Variants in DZIP3 observed in about 807,000 individuals in gnomAD.
DZIP3 encodes the protein DAZ interacting zinc finger protein 3.
A neutral mutation model predicts 162.0 loss-of-function variants in DZIP3; 118 were observed. The ratio of observed to expected loss-of-function variants is 0.73; its 90% CI spans 0.63 to 0.85. DZIP3 has a LOEUF of 0.85. Among genes scored for constraint, DZIP3 ranks in the 40% least tolerant of loss-of-function variants. The probability of loss-of-function intolerance (pLI) is 0.00; values close to 1 mark genes in which losing one functional copy is unlikely to be tolerated. For synonymous variants in DZIP3, 438 were observed against 458.6 expected (o/e 0.96, Z 0.57); for missense variants, 1,331 against 1,407.0 (o/e 0.95, Z 0.86).
chr3:108,665,075 A>C (rs943844306), intron 21 of DZIP3, among the ~76,000 whole-genome samples: 1 of 152,216 alleles, frequency 6.6e-6, no homozygotes. Context: ...TCTAGGCTAC[A>C]TTAGAAAACA....
In DZIP3 at chr3:108,655,853, CA is replaced by C. The variant is rs1943090040; in HGVS notation, c.2199+1544del. ...AACGGCACACCAGGATATTATATCCCATGCCTGGCTTGGAGGGTCCCACGCC... is the reference window on the plus strand; with the variant it reads ...AACGGCACACCAGGATATTATATCCCTGCCTGGCTTGGAGGGTCCCACGCC... On this transcript the variant is annotated intron_variant, in intron 19 of 32. Transcript: ENST00000361582. Among the ~76,000 whole-genome samples the C allele has an allele frequency of 2.0e-5, 3 of 152,218 alleles. No homozygotes were observed. The South Asian group carries it at 6.2e-4, about 32-fold the overall frequency.
At chr3:108,627,859 T>C (rs1354863304) in intron 7 of DZIP3, among the ~76,000 whole-genome samples, 1 of 151,860 alleles carries the variant, frequency 6.6e-6, no homozygotes, top group East Asian at 1.9e-4. Context: ...TTAGATTTAT[T>C]GTCTGAAGGC....
intron 2 of DZIP3, 108 bp downstream of exon 2, chr3:108,605,546 C>T (rs907371863): frequency 3.0e-5 from 34 of 1,136,838 alleles, no homozygotes; most frequent in South Asian, 2.7e-5. Context: ...TGAAACTGTT[C>T]GACTTCAGAT....
At chr3:108,619,292 A>G (rs1300708295) in intron 5 of DZIP3, among the ~76,000 whole-genome samples, 2 of 142,654 alleles carry the variant, frequency 1.4e-5, no homozygotes, top group Non-Finnish European at 3.0e-5. Flanking sequence ...GTGTGTGGGT[A>G]TATGTGTGTA....
intron 7 of DZIP3, among the ~76,000 whole-genome samples, chr3:108,628,225 G>A (rs531098142): frequency 2.0e-4 from 30 of 152,150 alleles, no homozygotes; most frequent in South Asian, 4.1e-4. Flanking sequence ...TGAGACATGC[G>A]TCTCAGCTGA....
At chr3:108,663,601 A>G (rs1321519679) in intron 21 of DZIP3, among the ~76,000 whole-genome samples, 2 of 151,684 alleles carry the variant, frequency 1.3e-5, no homozygotes, top group African/African-American at 4.8e-5. Flanking sequence ...TCAAAACTTC[A>G]TCTTTTAGCC....
chr3:108,635,920 T>A (rs909779971), intron 10 of DZIP3, among the ~76,000 whole-genome samples: 2 of 151,690 alleles, frequency 1.3e-5, no homozygotes, highest in African/African-American at 4.8e-5. Context: ...AGATCTGGGT[T>A]CAAGTCCAGA....
chr3:108,656,871 A>G (rs1016172075), intron 19 of DZIP3, among the ~76,000 whole-genome samples: 4 of 152,214 alleles, frequency 2.6e-5, no homozygotes, highest in Admixed American at 2.0e-4. Flanking sequence ...GATTCACTCA[A>G]CTGGAAGAAA....
In DZIP3 at chr3:108,674,198, C is replaced by A; in HGVS notation, c.2693+17C>A. 6.3e-7 allele frequency: 1 copy of A among 1,595,384 alleles called. No homozygotes were observed. The highest frequency in any genetic ancestry group is 8.6e-7 in the Non-Finnish European group (1 of 1,164,080). ...GGCAGCAAGGTAACCTTTCCCTCTT[C>A]CTTAATGCATCTTAATTTTAGAGAT... is the stretch of plus-strand genomic sequence containing the variant. On this transcript the variant is annotated intron_variant, in intron 24 of 32. Coordinates refer to ENST00000361582, the MANE Select transcript of DZIP3 (RefSeq NM_014648.4).
chr3:108,631,055 A>ACACACACACACACACACAAACACTCT, intron 8 of DZIP3, among the ~76,000 whole-genome samples: 1 of 18,006 alleles, frequency 5.6e-5, no homozygotes, highest in Non-Finnish European at 9.0e-5. Flanking sequence ...ACACACACAC[A>ACACACACACACACACACAAACACTCT]CTCTCTCTCT....
At chr3:108,643,185 GACAA>G (rs1259071275) in intron 13 of DZIP3, among the ~76,000 whole-genome samples, 2 of 152,092 alleles carry the variant, frequency 1.3e-5, no homozygotes, top group Non-Finnish European at 2.9e-5. Context: ...TGCATTTTGT[GACAA>G]ACACATATTT....
intron 26 of DZIP3, among the ~76,000 whole-genome samples, chr3:108,680,372 A>G (rs1196669869): frequency 2.6e-5 from 4 of 152,106 alleles, no homozygotes; most frequent in African/African-American, 9.7e-5. Context: ...TTTGTAGACA[A>G]ATGATCTTAT....
intron 19 of DZIP3, 79 bp downstream of exon 19, chr3:108,654,389 C>G: frequency 6.8e-7 from 1 of 1,475,194 alleles, no homozygotes; most frequent in East Asian, 2.3e-5. Context: ...CAGCATCACC[C>G]TTTGAAAAGC....
At chr3:108,679,039 A>G (rs931092684) in intron 26 of DZIP3, among the ~76,000 whole-genome samples, 34 of 152,234 alleles carry the variant, frequency 2.2e-4, no homozygotes, top group Admixed American at 1.1e-3. Context: ...GGCTTGGATC[A>G]TCATCATACC....
chr3:108,629,145 C>T lies in DZIP3; in HGVS notation c.665C>T (p.Thr222Ile), dbSNP rs1252393447. 1 of 1,591,830 alleles carries T rather than the reference C, an allele frequency of 6.3e-7. No individual in the cohort carries two copies. Among genetic ancestry groups the T allele is most frequent in the African/African-American group, 1.4e-5 (1 of 73,568 alleles). The change falls in exon 8 of 33, where the codon ACA becomes ATA. Residue 222 changes from threonine (T) to isoleucine (I), a missense_variant. By Grantham distance (89) the Thr-to-Ile change is moderately conservative. Around this residue, in one of 2 missense-constraint regions of DZIP3, gnomAD observed 1,278 missense variants for 1,317.1 expected, o/e 0.97. Coordinates refer to ENST00000361582, the MANE Select transcript of DZIP3 (RefSeq NM_014648.4). ...KNDHWFDIDPTEDEDLPTTFK... is the reference protein window; with the variant it reads ...KNDHWFDIDPIEDEDLPTTFK... ...GACCATTGGTTTGACATAGATCCTA[C>T]AGAAGATGAAGATTTACCTACAACT...
At chr3:108,622,023 C>T (rs1941376782) in intron 5 of DZIP3, among the ~76,000 whole-genome samples, 1 of 151,098 alleles carries the variant, frequency 6.6e-6, no homozygotes, top group African/African-American at 2.4e-5. Flanking sequence ...TAGTGTGAGA[C>T]CCCATCTCTA....
intron 27 of DZIP3, among the ~76,000 whole-genome samples, chr3:108,684,571 A>G (rs973501156): frequency 3.3e-5 from 5 of 152,178 alleles, no homozygotes. Context: ...TTTTTATACT[A>G]GAGAATCCTT....
intron 24 of DZIP3, among the ~76,000 whole-genome samples, chr3:108,675,329 G>C (rs1018382127): frequency 1.3e-5 from 2 of 151,918 alleles, no homozygotes; most frequent in Non-Finnish European, 2.9e-5. Context: ...CCCAGAGACA[G>C]TATCTTTTTC....
Position 108,605,276 on chromosome 3 carries a change from A to G in DZIP3, c.-72-59A>G, listed in dbSNP as rs1244827585. On this transcript the variant is annotated intron_variant, in intron 1 of 32. Transcript: ENST00000361582. ...CTTCAAATGATCACGTTCTGTTTTC[A>G]TAGTGGGGAGAAAGAGTGTAACTTT... The G allele has an allele frequency of 4.1e-6, 5 of 1,209,800 alleles. 1 individual carries two copies. The highest frequency in any genetic ancestry group is 2.7e-5 in the South Asian group (2 of 75,098). The allele number at this position is 1,209,800 out of a possible 1,614,324, so 74.9% of individuals were successfully genotyped here. A position where few individuals can be genotyped will look rare whatever the true frequency, so the allele number is the denominator to read the frequency against.
Sources: allele counts gnomAD v4.1 joint callset (sites outside exome capture counted in the v4.1 genomes callset), GRCh38; gene constraint gnomAD v4.1.1; regional missense constraint gnomAD v4.1.1; transcripts MANE v1.5; gene names NCBI Gene and HGNC (gene_info 2026-07-23, HGNC 2026-07-21).